The following LRRIQ3 variants were observed in gnomAD, a reference collection of about 807,000 sequenced individuals.
LRRIQ3 encodes leucine-rich repeat and IQ domain-containing protein 3.
Under a neutral mutation model 59.3 loss-of-function variants are expected in LRRIQ3, and 75 were observed. The observed-to-expected ratio is 1.26, with a 90% CI of 1.05 to 1.53. The LOEUF is 1.53. Ranked by LOEUF, LRRIQ3 falls within the 40% of genes most tolerant of loss-of-function variation. LRRIQ3 has a pLI of 0.00. For synonymous variants in LRRIQ3, 250 were observed against 231.3 expected, an observed-to-expected ratio of 1.08 and a Z score of -0.73; for missense variants, 831 against 710.0, an observed-to-expected ratio of 1.17 and a Z score of -1.94.
At chr1:74,054,263 A>C (rs1654456970) in intron 6 of LRRIQ3, among the ~76,000 whole-genome samples, 1 of 152,128 alleles carries the variant, frequency 6.6e-6, no homozygotes, top group East Asian at 1.9e-4. Flanking sequence ...TGAGTGAAAG[A>C]AGCCAATCTA....
chr1:74,108,221 G>A (rs940535735), intron 5 of LRRIQ3, among the ~76,000 whole-genome samples: 9 of 151,532 alleles, frequency 5.9e-5, no homozygotes, highest in South Asian at 2.1e-4. Context: ...ATCATACTCC[G>A]AAATCATACT....
intron 4 of LRRIQ3, among the ~76,000 whole-genome samples, chr1:74,113,954 T>G (rs1646739697): frequency 6.6e-6 from 1 of 151,594 alleles, no homozygotes; most frequent in Admixed American, 6.6e-5. Context: ...CCCCTCTCTC[T>G]TTCTCTATCT....
At chr1:74,037,831 T>A (rs1413289475) in intron 7 of LRRIQ3, among the ~76,000 whole-genome samples, 1 of 152,076 alleles carries the variant, frequency 6.6e-6, no homozygotes, top group Non-Finnish European at 1.5e-5. Flanking sequence ...GAAACCGTGC[T>A]TTTTCCATGG....
rs1413518941 is a variant in LRRIQ3 at position 74,041,607 on chromosome 1, C to T, written c.1324G>A (p.Val442Ile). Residue 442 changes from valine (V) to isoleucine (I), a missense_variant, in exon 7 of 8, where the codon GTT (valine) becomes ATT (isoleucine). Coordinates refer to ENST00000354431, the MANE Select transcript of LRRIQ3 (RefSeq NM_001105659.2). ...CGAGCAACTTGTGCCATGGCTACAA[C>T]TCTTACTTTTTCTTTATGGTATTCC... ...KQEYHKEKVR[V>I]VAMAQVARER... The T allele has an allele frequency of 3.7e-6, 6 of 1,613,812 alleles. No homozygotes were observed. The highest frequency in any genetic ancestry group is 1.1e-5 in the South Asian group (1 of 91,062).
intron 3 of LRRIQ3, among the ~76,000 whole-genome samples, chr1:74,173,563 T>C (rs1284453585): frequency 2.0e-5 from 3 of 152,022 alleles, no homozygotes; most frequent in Non-Finnish European, 4.4e-5. Flanking sequence ...AACCTCTTAA[T>C]AAAGTCTATT....
intron 7 of LRRIQ3, among the ~76,000 whole-genome samples, chr1:74,030,064 G>A (rs1653651679): frequency 6.6e-6 from 1 of 151,858 alleles, no homozygotes; most frequent in South Asian, 2.1e-4. Context: ...AACTTACCAG[G>A]GATGTGAAGG....
At chr1:74,069,378 C>A (rs1654957066) in intron 6 of LRRIQ3, among the ~76,000 whole-genome samples, 1 of 151,814 alleles carries the variant, frequency 6.6e-6, no homozygotes, top group African/African-American at 2.4e-5. Flanking sequence ...ATGTTAATTT[C>A]TAATACTGAA....
chr1:74,133,795 G>C (rs979257619), intron 4 of LRRIQ3, among the ~76,000 whole-genome samples: 9 of 151,862 alleles, frequency 5.9e-5, no homozygotes, highest in Non-Finnish European at 1.0e-4. Context: ...CACCAGCATG[G>C]CACATGTATA....
intron 1 of LRRIQ3, among the ~76,000 whole-genome samples, 165 bp from the exon 2 acceptor site, chr1:74,183,849 T>C (rs1295958213): frequency 6.6e-6 from 1 of 151,996 alleles, no homozygotes; most frequent in East Asian, 1.9e-4. Flanking sequence ...ATAACTTAAA[T>C]ATCTAACATT....
At position 74,060,145 on chromosome 1, in the gene LRRIQ3, C is replaced by T. The variant is rs905766270; in HGVS notation, c.997+14516G>A. On this transcript the variant is annotated intron_variant, in intron 6 of 7. Transcript: ENST00000354431. ...CCTGTTTCATTTCTGATTCTAGTAACCTGAGTCGCCTTCTTCTTCGTCGTC... is the reference window on the plus strand; with the variant it reads ...CCTGTTTCATTTCTGATTCTAGTAATCTGAGTCGCCTTCTTCTTCGTCGTC... Among the ~76,000 whole-genome samples, 9 of 151,712 alleles carry T rather than the reference C, an allele frequency of 5.9e-5. No individual in the cohort carries two copies. The East Asian group carries it at 1.5e-3, about 26-fold the overall frequency.
Position 74,109,326 on chromosome 1 carries a change from C to T in LRRIQ3, c.867+68G>A, listed in dbSNP as rs536728500. 379 of 1,070,190 alleles carry T rather than the reference C, an allele frequency of 3.5e-4. 6 individuals are homozygous for T. The South Asian group carries it at 3.9e-3, about 11-fold the overall frequency. 66.3% of individuals were successfully genotyped at this position (1,070,190 alleles called of 1,614,324 possible). A position where few individuals can be genotyped will look rare whatever the true frequency, so the allele number is the denominator to read the frequency against. On this transcript the variant is annotated intron_variant, in intron 5 of 7. Coordinates refer to ENST00000354431, the MANE Select transcript of LRRIQ3 (RefSeq NM_001105659.2). ...AATAGAGACTGAAGAAATAATAGCG[C>T]TACCTAAATCATAACTTTAATATCT...
intron 6 of LRRIQ3, among the ~76,000 whole-genome samples, chr1:74,074,179 C>G (rs1012982844): frequency 2.0e-5 from 3 of 152,076 alleles, no homozygotes; most frequent in Non-Finnish European, 4.4e-5. Context: ...ACTTCTACCC[C>G]AAATGAGGTT....
intron 4 of LRRIQ3, among the ~76,000 whole-genome samples, chr1:74,130,664 T>C (rs1432112435): frequency 1.3e-5 from 2 of 152,266 alleles, no homozygotes; most frequent in African/African-American, 4.8e-5. Flanking sequence ...GGATGATCAG[T>C]AGAGGTTTCT....
intron 5 of LRRIQ3, among the ~76,000 whole-genome samples, chr1:74,090,084 C>G (rs1646378408): frequency 6.6e-6 from 1 of 151,960 alleles, no homozygotes; most frequent in South Asian, 2.1e-4. Flanking sequence ...ATGAATTTTA[C>G]TATGTTTTTA....
chr1:74,112,123 T>A (rs915912547), intron 4 of LRRIQ3, among the ~76,000 whole-genome samples: 1 of 152,114 alleles, frequency 6.6e-6, no homozygotes, highest in Non-Finnish European at 1.5e-5. Flanking sequence ...CTGTCACAGC[T>A]GAGCACTCTA....
At position 74,034,099 on chromosome 1, in the gene LRRIQ3, C is replaced by T. The variant is rs543307521; in HGVS notation, c.1718+7114G>A. On this transcript the variant is annotated intron_variant, in intron 7 of 7. Coordinates refer to ENST00000354431, the MANE Select transcript of LRRIQ3 (RefSeq NM_001105659.2). ...TTTTCTTTTACTCTTTCTCATTCCA[C>T]ATAGCAGGATTAGGGAGCTACATTC... 2.6e-5 allele frequency among the ~76,000 whole-genome samples: 4 copies of T among 152,024 alleles called. No homozygotes were observed. In the South Asian group the frequency reaches 8.3e-4, roughly 32 times the overall value.
intron 5 of LRRIQ3, among the ~76,000 whole-genome samples, chr1:74,094,051 T>C (rs1570101252): frequency 6.6e-6 from 1 of 152,102 alleles, no homozygotes; most frequent in Non-Finnish European, 1.5e-5. Context: ...GGGCTGTTAC[T>C]GGCTTGCCGA....
chr1:74,109,286 TA>T (rs1226739637), intron 5 of LRRIQ3, 107 bp downstream of exon 5: 4 of 795,620 alleles, frequency 5.0e-6, no homozygotes, highest in Non-Finnish European at 8.1e-6. Context: ...ATTAACAATG[TA>T]ATGAAGGACA....
At chr1:74,144,323 G>T (rs915626992) in intron 4 of LRRIQ3, 1 of 216,436 alleles carries the variant, frequency 4.6e-6, no homozygotes, top group South Asian at 6.1e-5. Context: ...AATCAACAAT[G>T]CAGATTTCTA....
Sources: gnomAD v4.1 joint callset for allele counts (sites outside exome capture counted in the v4.1 genomes callset) on GRCh38, gnomAD v4.1.1 for gene constraint, MANE v1.5 for transcripts, NCBI Gene and HGNC (gene_info 2026-07-23, HGNC 2026-07-21) for gene names.